The following PLXDC2 variants were observed in gnomAD, a reference collection of about 807,000 sequenced individuals.
PLXDC2 encodes plexin domain-containing protein 2.
Under a neutral mutation model 68.9 loss-of-function variants are expected in PLXDC2, and 40 were observed. That is an observed-to-expected ratio of 0.58 (90% CI 0.45 to 0.76). The LOEUF is 0.76. Among genes scored for constraint, PLXDC2 ranks in the 30% least tolerant of loss-of-function variants. The probability of loss-of-function intolerance (pLI) is 0.00; values close to 1 mark genes in which losing one functional copy is unlikely to be tolerated. For missense variants in PLXDC2, 644 were observed against 661.9 expected, an observed-to-expected ratio of 0.97 and a Z score of 0.30; for synonymous variants, 243 against 234.2, an observed-to-expected ratio of 1.04 and a Z score of -0.34.
At position 20,051,142 on chromosome 10, in the gene PLXDC2, C is replaced by G. The variant is rs191993140; in HGVS notation, c.471+4127C>G. Among the ~76,000 whole-genome samples the G allele has an allele frequency of 2.0e-5, 3 of 151,740 alleles. No individual in the cohort carries two copies. The East Asian group carries it at 5.8e-4, about 29-fold the overall frequency. On this transcript the variant is annotated intron_variant, in intron 3 of 13. Transcript: ENST00000377252. ...TAGCAAACTAACACAGGAACAGGAA[C>G]CAAATACACCATGTTCTCACTTATA...
intron 1 of PLXDC2, among the ~76,000 whole-genome samples, chr10:19,920,337 C>A (rs1182740709): frequency 1.3e-5 from 2 of 152,220 alleles, no homozygotes; most frequent in Non-Finnish European, 2.9e-5. Flanking sequence ...TGTTGCATTT[C>A]CCAAGACCAA....
At chr10:20,066,517 A>C (rs1312611496) in intron 3 of PLXDC2, among the ~76,000 whole-genome samples, 1 of 152,222 alleles carries the variant, frequency 6.6e-6, no homozygotes, top group Non-Finnish European at 1.5e-5. Context: ...ATTATTCCTT[A>C]CATCTTTGAG....
intron 1 of PLXDC2, among the ~76,000 whole-genome samples, chr10:19,837,601 G>A (rs1024217965): frequency 2.6e-5 from 4 of 152,214 alleles, no homozygotes; most frequent in South Asian, 4.1e-4. Context: ...GAAATGATCC[G>A]ACCTAGTTTA....
At chr10:20,279,069 T>C (rs1836046915) in intron 13 of PLXDC2, among the ~76,000 whole-genome samples, 2 of 152,224 alleles carry the variant, frequency 1.3e-5, no homozygotes, top group South Asian at 4.1e-4. Flanking sequence ...AAGCTCACGA[T>C]TGGCCACACC....
At chr10:19,894,386 T>A (rs892574993) in intron 1 of PLXDC2, among the ~76,000 whole-genome samples, 4 of 152,132 alleles carry the variant, frequency 2.6e-5, no homozygotes, top group African/African-American at 9.7e-5. Flanking sequence ...AATCAGAGAT[T>A]CATTTGAATT....
chr10:19,995,224 A>G (rs896469342), intron 1 of PLXDC2, among the ~76,000 whole-genome samples: 1 of 152,178 alleles, frequency 6.6e-6, no homozygotes, highest in Non-Finnish European at 1.5e-5. Context: ...GACTCATCAT[A>G]TAGTCATGCT....
At chr10:20,064,299 A>G (rs1354852009) in intron 3 of PLXDC2, among the ~76,000 whole-genome samples, 1 of 150,102 alleles carries the variant, frequency 6.7e-6, no homozygotes, top group Admixed American at 6.6e-5. Context: ...TGGCTCACTG[A>G]AAGCTCCACC....
Position 20,286,430 on chromosome 10 carries a change from A to T in PLXDC2, c.*6611A>T, listed in dbSNP as rs932710290. 2 of 152,136 alleles carry T rather than the reference A, an allele frequency of 1.3e-5. No homozygotes were observed. The highest frequency in any genetic ancestry group is 4.8e-5 in the African/African-American group (2 of 41,412). 9.4% of individuals were successfully genotyped at this position (152,136 alleles called of 1,614,324 possible). On this transcript the variant is annotated 3_prime_UTR_variant, in exon 14 of 14. Transcript: ENST00000377252. The stretch of plus-strand genomic sequence containing the variant: ...ATTTATTTTCATTCTGGTTGAAAAA[A>T]ATCTCAGTGGCTTCTCTTCATTCCA...
chr10:19,857,695 A>C (rs772756261), intron 1 of PLXDC2, among the ~76,000 whole-genome samples: 2 of 152,212 alleles, frequency 1.3e-5, no homozygotes, highest in Non-Finnish European at 2.9e-5. Flanking sequence ...GGAAACTAAC[A>C]AAGACATTAG....
chr10:19,875,605 G>A (rs1183943446), intron 1 of PLXDC2, among the ~76,000 whole-genome samples: 1 of 152,224 alleles, frequency 6.6e-6, no homozygotes. Context: ...GTGCACACGT[G>A]TGCACTAGTC....
At chr10:20,125,509 A>G (rs1833761085) in intron 4 of PLXDC2, among the ~76,000 whole-genome samples, 1 of 152,152 alleles carries the variant, frequency 6.6e-6, no homozygotes, top group African/African-American at 2.4e-5. Context: ...GAGAAAATGT[A>G]GGCACGATCA....
At chr10:19,961,170 G>A (rs1385468130) in intron 1 of PLXDC2, among the ~76,000 whole-genome samples, 1 of 152,190 alleles carries the variant, frequency 6.6e-6, no homozygotes, top group Admixed American at 6.5e-5. Context: ...AATAATTATT[G>A]CATTGTTCTC....
intron 1 of PLXDC2, among the ~76,000 whole-genome samples, chr10:19,893,432 G>C (rs1458343960): frequency 6.6e-6 from 1 of 152,158 alleles, no homozygotes; most frequent in East Asian, 1.9e-4. Flanking sequence ...GTGAATTCCT[G>C]TGTGTGCATT....
intron 1 of PLXDC2, among the ~76,000 whole-genome samples, chr10:19,915,261 C>T (rs1281678316): frequency 3.3e-5 from 5 of 152,038 alleles, no homozygotes; most frequent in African/African-American, 4.8e-5. Context: ...TTTTGCTCTA[C>T]CTATAGTGTT....
chr10:20,020,304 A>G (rs1421202208), intron 2 of PLXDC2, among the ~76,000 whole-genome samples: 5 of 151,436 alleles, frequency 3.3e-5, no homozygotes, highest in Non-Finnish European at 5.9e-5. Flanking sequence ...TTAAAAGAGA[A>G]TACAACTCCT....
At position 20,020,034 on chromosome 10, in the gene PLXDC2, T is replaced by C. The variant is rs71482208; in HGVS notation, c.324+18048T>C. Among the ~76,000 whole-genome samples the C allele has an allele frequency of 4.9e-5, 7 of 142,994 alleles. No homozygotes were observed. The East Asian group carries it at 1.4e-3, about 29-fold the overall frequency. The allele number at this position is 142,994 out of a possible 152,430, so 93.8% of individuals were successfully genotyped here. Reference sequence around the variant, plus strand: ...TTCTTGCTTTTTTTTTTATTTTTTGTTTTTTCTTTTGAGGCAGGGCTTGCT... The same window carrying C: ...TTCTTGCTTTTTTTTTTATTTTTTGCTTTTTCTTTTGAGGCAGGGCTTGCT... On this transcript the variant is annotated intron_variant, in intron 2 of 13. Coordinates refer to ENST00000377252, the MANE Select transcript of PLXDC2 (RefSeq NM_032812.9).
At chr10:20,133,279 A>C (rs142068302) in intron 4 of PLXDC2, among the ~76,000 whole-genome samples, 33 of 152,284 alleles carry the variant, frequency 2.2e-4, no homozygotes, top group African/African-American at 7.5e-4. Context: ...GTGTGATTGC[A>C]TTCTGACCTT....
intron 4 of PLXDC2, among the ~76,000 whole-genome samples, chr10:20,072,929 A>G (rs1293857270): frequency 6.6e-6 from 1 of 152,236 alleles, no homozygotes; most frequent in African/African-American, 2.4e-5. Flanking sequence ...CTATAATCAG[A>G]TAGTCCTATT....
At chr10:19,896,499 T>A (rs72785814) in intron 1 of PLXDC2, among the ~76,000 whole-genome samples, 6,945 of 152,298 alleles carry the variant, frequency 0.046, 196 homozygotes, top group Middle Eastern at 0.13. Context: ...CATAAATAAG[T>A]CCTCAATAAA....
Sources: allele counts gnomAD v4.1 joint callset (sites outside exome capture counted in the v4.1 genomes callset), GRCh38; gene constraint gnomAD v4.1.1; transcripts MANE v1.5; gene names NCBI Gene and HGNC (gene_info 2026-07-23, HGNC 2026-07-21).